Variants in CACNA1D observed in about 807,000 individuals in gnomAD.
CACNA1D encodes calcium voltage-gated channel subunit alpha1 D.
In CACNA1D, 55 loss-of-function variants were observed where a neutral mutation model predicts 257.1. The ratio of observed to expected loss-of-function variants is 0.21; its 90% confidence interval spans 0.17 to 0.27. The LOEUF (loss-of-function observed/expected upper bound fraction) is 0.27. Among genes scored for constraint, CACNA1D ranks in the 10% least tolerant of loss-of-function variants. The pLI, the probability that CACNA1D is intolerant of heterozygous loss-of-function variation, is 1.00. For synonymous variants in CACNA1D, 980 were observed against 1,014.9 expected (o/e 0.97, Z 0.65); for missense variants, 1,876 against 2,784.0 (o/e 0.67, Z 7.34).
intron 3 of CACNA1D, among the ~76,000 whole-genome samples, chr3:53,644,169 A>G (rs1441315775): frequency 6.6e-6 from 1 of 152,238 alleles, no homozygotes; most frequent in East Asian, 1.9e-4. Flanking sequence ...TTATTAGGGG[A>G]GACAAATATT....
chr3:53,718,628 G>A, intron 10 of CACNA1D: 2 of 1,297,772 alleles, frequency 1.5e-6, no homozygotes, highest in Non-Finnish European at 2.1e-6. Flanking sequence ...CTTCCTGTAA[G>A]TAGAGCCCGT....
chr3:53,722,330 T>A lies in CACNA1D; in HGVS notation c.1522T>A (p.Trp508Arg), dbSNP rs533838507. The A allele has an allele frequency of 6.2e-7, 1 of 1,614,120 alleles. No homozygotes were observed. The highest frequency in any genetic ancestry group is 8.5e-7 in the Non-Finnish European group (1 of 1,180,046). ...KSKLSRRWRR[W>R]NRFNRRRCRA... The stretch of plus-strand genomic sequence containing the variant: ...GTCTTTTAGCCGACGCTGGCGTCGC[T>A]GGAACCGATTCAATCGCAGAAGATG... The change falls in exon 12 of 48, where the codon TGG becomes AGG. Residue 508 changes from tryptophan to arginine, a missense_variant. Around this residue, in one of 10 missense-constraint regions of CACNA1D, gnomAD observed 257 missense variants for 399.7 expected, o/e 0.64. Transcript: ENST00000350061.
chr3:53,649,627 G>C (rs971361642), intron 3 of CACNA1D, among the ~76,000 whole-genome samples: 1 of 152,156 alleles, frequency 6.6e-6, no homozygotes, highest in Non-Finnish European at 1.5e-5. Flanking sequence ...GTGTTCACGT[G>C]TTTCCTGAGC....
rs536866915 is a variant in CACNA1D, at chr3:53,561,556, T to C, written c.483+59836T>C. Among the ~76,000 whole-genome samples, 6 of 152,296 alleles carry C rather than the reference T, an allele frequency of 3.9e-5. No homozygotes were observed. The South Asian group carries it at 1.2e-3, about 32-fold the overall frequency. On this transcript the variant is annotated intron_variant, in intron 3 of 47. Transcript: ENST00000350061. Reference sequence around the variant, plus strand: ...GGGGAGTTGTAGAGAACAAGCTTCATCCTGGGACCATGTGTGATGGCTGTT... The same window carrying C: ...GGGGAGTTGTAGAGAACAAGCTTCACCCTGGGACCATGTGTGATGGCTGTT...
intron 3 of CACNA1D, among the ~76,000 whole-genome samples, chr3:53,543,767 C>A (rs377480715): frequency 6.6e-6 from 1 of 152,160 alleles, no homozygotes; most frequent in Non-Finnish European, 1.5e-5. Flanking sequence ...TTAGATATCT[C>A]GTCCAGGGTC....
At chr3:53,621,662 CTGT>C (rs773643844) in intron 3 of CACNA1D, among the ~76,000 whole-genome samples, 15 of 152,158 alleles carry the variant, frequency 9.9e-5, no homozygotes, top group Non-Finnish European at 2.1e-4. Flanking sequence ...TCAAAAGATG[CTGT>C]TAAGAAAAAG....
intron 40 of CACNA1D, among the ~76,000 whole-genome samples, chr3:53,799,470 T>C (rs1406559522): frequency 6.6e-6 from 1 of 152,162 alleles, no homozygotes; most frequent in Non-Finnish European, 1.5e-5. Flanking sequence ...GCAGAGTATC[T>C]GTGACGGGCC....
intron 3 of CACNA1D, among the ~76,000 whole-genome samples, chr3:53,544,358 C>G (rs998309996): frequency 3.9e-5 from 6 of 152,074 alleles, no homozygotes; most frequent in African/African-American, 1.4e-4. Flanking sequence ...ATTCTTAGGG[C>G]TTTCACAGAT....
At chr3:53,626,256 G>T (rs1413402492) in intron 3 of CACNA1D, among the ~76,000 whole-genome samples, 3 of 152,198 alleles carry the variant, frequency 2.0e-5, no homozygotes, top group African/African-American at 7.2e-5. Flanking sequence ...TGAATGTCAG[G>T]TTCCAGAAAA....
At chr3:53,706,898 T>C (rs1391740640) in intron 9 of CACNA1D, among the ~76,000 whole-genome samples, 1 of 152,132 alleles carries the variant, frequency 6.6e-6, no homozygotes, top group East Asian at 1.9e-4. Context: ...AAACATAATA[T>C]TTTTGAAGGT....
At position 53,745,751 on chromosome 3, in the gene CACNA1D, G is replaced by A; in HGVS notation, c.3114+20G>A. ...TTCAAGGTAGAGGAACTGCCTCCAA[G>A]CATAAAACTCAGGTGGATTTCTTTA... On this transcript the variant is annotated intron_variant, in intron 24 of 47. Coordinates refer to ENST00000350061, the MANE Select transcript of CACNA1D (RefSeq NM_001128840.3). 8.7e-6 allele frequency: 14 copies of A among 1,601,964 alleles called. No individual in the cohort carries two copies. Among genetic ancestry groups the A allele is most frequent in the Non-Finnish European group, 1.2e-5 (14 of 1,168,872 alleles).
At position 53,732,056 on chromosome 3, in the gene CACNA1D, A is replaced by C. The variant is rs1345333838; in HGVS notation, c.2447A>C (p.Asp816Ala). 1 of 1,612,976 alleles carries C rather than the reference A, an allele frequency of 6.2e-7. No homozygotes were observed. The highest frequency in any genetic ancestry group is 8.5e-7 in the Non-Finnish European group (1 of 1,179,038). The stretch of plus-strand genomic sequence containing the variant: ...TATAGAGAAGAGGATGAAGACAAGG[A>C]CCCCTATCCGCCTTGCGATGTGCCA... ...DDYREEDEDK[D>A]PYPPCDVPVG... The change falls in exon 18 of 48, where the codon GAC (aspartate) becomes GCC (alanine). Residue 816 changes from aspartate to alanine, a missense_variant. Physicochemically the swap from Asp to Ala is moderately radical, Grantham distance 126. Coordinates refer to ENST00000350061, the MANE Select transcript of CACNA1D (RefSeq NM_001128840.3).
chr3:53,801,364 A>G lies in CACNA1D; in HGVS notation c.5347A>G (p.Asn1783Asp). ...SIGNLEHVSE[N>D]GHHSSHKHDR... ...TGGGAACCTTGAGCATGTGTCTGAA[A>G]ATGGGCATCATTCTTCCCACAAGCA... The change falls in exon 42 of 48, where the codon AAT becomes GAT. Residue 1783 changes from asparagine (N) to aspartate (D), a missense_variant. Transcript: ENST00000350061. The G allele has an allele frequency of 6.2e-7, 1 of 1,614,168 alleles. No homozygotes were observed. Among genetic ancestry groups the G allele is most frequent in the Non-Finnish European group, 8.5e-7 (1 of 1,180,032 alleles).
At chr3:53,572,636 G>A (rs2092968537) in intron 3 of CACNA1D, among the ~76,000 whole-genome samples, 1 of 152,136 alleles carries the variant, frequency 6.6e-6, no homozygotes, top group Admixed American at 6.6e-5. Flanking sequence ...ATAAGCTGAA[G>A]TGATCCACCC....
In CACNA1D at chr3:53,774,316, T is replaced by G; in HGVS notation, c.4111-271T>G. ...GACCACCCCAGCATCATCACTGGGGTTTGATGTTGCCTGGCTACCTTTGTG... is the reference window on the plus strand; with the variant it reads ...GACCACCCCAGCATCATCACTGGGGGTTGATGTTGCCTGGCTACCTTTGTG... On this transcript the variant is annotated intron_variant, in intron 33 of 47. Transcript: ENST00000350061. This position sits in a 1 kb window ranked among gnomAD's most constrained non-coding sequence, Gnocchi z 4.3. The G allele has an allele frequency of 2.2e-6, 1 of 445,238 alleles. No individual in the cohort carries two copies. The highest frequency in any genetic ancestry group is 4.2e-6 in the Non-Finnish European group (1 of 239,930). The allele number at this position is 445,238 out of a possible 1,614,324, so 27.6% of individuals were successfully genotyped here. A position where few individuals can be genotyped will look rare whatever the true frequency, so the allele number is the denominator to read the frequency against.
At chr3:53,568,288 A>G (rs761632469) in intron 3 of CACNA1D, among the ~76,000 whole-genome samples, 12 of 152,214 alleles carry the variant, frequency 7.9e-5, no homozygotes, top group Non-Finnish European at 1.5e-4. Flanking sequence ...CACTGACTTC[A>G]AGCAAGAACT....
chr3:53,738,615 C>T (rs78218526), intron 20 of CACNA1D, among the ~76,000 whole-genome samples: 1,696 of 152,192 alleles, frequency 0.011, 37 homozygotes, highest in African/African-American at 0.038. Context: ...TTAATTATAA[C>T]TGCTTCTCCA....
intron 3 of CACNA1D, among the ~76,000 whole-genome samples, chr3:53,581,677 T>A (rs1420453645): frequency 3.3e-5 from 5 of 152,164 alleles, no homozygotes; most frequent in Non-Finnish European, 5.9e-5. Context: ...TCAGCTGAAG[T>A]GCAGGAGAAT....
intron 3 of CACNA1D, among the ~76,000 whole-genome samples, chr3:53,589,880 T>G (rs1349155082): frequency 1.3e-5 from 2 of 152,186 alleles, no homozygotes; most frequent in African/African-American, 4.8e-5. Context: ...ACCCTGGGCC[T>G]CATGGTTTGG....
Sources: allele counts gnomAD v4.1 joint callset (sites outside exome capture counted in the v4.1 genomes callset), GRCh38; gene constraint gnomAD v4.1.1; regional missense constraint gnomAD v4.1.1; non-coding constraint Gnocchi (gnomAD v3.1); transcripts MANE v1.5; gene names NCBI Gene and HGNC (gene_info 2026-07-23, HGNC 2026-07-21).